The following FGGY variants were observed in gnomAD, a reference collection of about 807,000 sequenced individuals.
FGGY encodes FGGY carbohydrate kinase domain-containing protein.
A neutral mutation model predicts 71.3 loss-of-function variants in FGGY; 72 were observed. The observed-to-expected ratio is 1.01, with a 90% CI of 0.84 to 1.23. FGGY has a LOEUF of 1.23. Among genes scored for constraint, FGGY ranks in the 50% most tolerant of loss-of-function variants. The pLI is 0.00. For synonymous variants in FGGY, 251 were observed against 250.3 expected (o/e 1.00, Z -0.02); for missense variants, 668 against 682.3 (o/e 0.98, Z 0.23).
chr1:59,513,060 A>G lies in FGGY; in HGVS notation c.799+621A>G, dbSNP rs114019238. Among the ~76,000 whole-genome samples the G allele has an allele frequency of 8.4e-3, 1,285 of 152,356 alleles. 17 individuals carry two copies. Among genetic ancestry groups the G allele is most frequent in the African/African-American group, 0.029 (1,207 of 41,574 alleles). Reference sequence around the variant, plus strand: ...ACAGGGAAACAAAGAATTACAGTAAAGAATGATGACTTCCTCATCCTTATT... The same window carrying G: ...ACAGGGAAACAAAGAATTACAGTAAGGAATGATGACTTCCTCATCCTTATT... On this transcript the variant is annotated intron_variant, in intron 7 of 15. Coordinates refer to ENST00000303721, the MANE Select transcript of FGGY (RefSeq NM_018291.5).
At chr1:59,546,088 A>G (rs1402368335) in intron 7 of FGGY, among the ~76,000 whole-genome samples, 1 of 152,364 alleles carries the variant, frequency 6.6e-6, no homozygotes, top group Non-Finnish European at 1.5e-5. Context: ...AAGCCTTGCT[A>G]TTAACACCAA....
At chr1:59,535,804 A>G (rs923061516) in intron 7 of FGGY, among the ~76,000 whole-genome samples, 3 of 149,552 alleles carry the variant, frequency 2.0e-5, no homozygotes, top group African/African-American at 7.4e-5. Flanking sequence ...GACACAACAT[A>G]CCAGAATCTC....
At chr1:59,346,471 C>T (rs990082231) in intron 4 of FGGY, 73 bp downstream of exon 4, 1 of 1,521,666 alleles carries the variant, frequency 6.6e-7, no homozygotes, top group South Asian at 1.2e-5. Flanking sequence ...CTGTAGGTAC[C>T]AGGCACCCTG....
Position 59,313,770 on chromosome 1 carries a change from A to G in FGGY, c.-14-7766A>G, listed in dbSNP as rs1366418606. 3.9e-5 allele frequency among the ~76,000 whole-genome samples: 6 copies of G among 152,216 alleles called. No individual in the cohort carries two copies. The East Asian group carries it at 1.2e-3, about 29-fold the overall frequency. ...AGCTAAGCTATGAGGATGCAAAGGC[A>G]TAAGAATGACACAATGGACATTGGG... On this transcript the variant is annotated intron_variant, in intron 1 of 15. Coordinates refer to ENST00000303721, the MANE Select transcript of FGGY (RefSeq NM_018291.5).
chr1:59,735,490 C>T (rs893138192), intron 14 of FGGY, among the ~76,000 whole-genome samples: 17 of 152,218 alleles, frequency 1.1e-4, no homozygotes, highest in African/African-American at 3.9e-4. Context: ...AGACCTGTGG[C>T]ATTTTCACCA....
intron 7 of FGGY, among the ~76,000 whole-genome samples, chr1:59,518,934 C>G (rs540356042): frequency 8.5e-5 from 13 of 152,328 alleles, no homozygotes; most frequent in Admixed American, 8.5e-4. Flanking sequence ...CTTATAGCAA[C>G]TTTGTAGTGA....
chr1:59,334,358 G>C (rs967220765), intron 2 of FGGY, among the ~76,000 whole-genome samples: 2 of 152,104 alleles, frequency 1.3e-5, no homozygotes, highest in Non-Finnish European at 2.9e-5. Flanking sequence ...TGGCCAGGCT[G>C]GTCTCAAACT....
At chr1:59,747,674 C>T (rs1558980532) in intron 14 of FGGY, among the ~76,000 whole-genome samples, 1 of 152,202 alleles carries the variant, frequency 6.6e-6, no homozygotes, top group South Asian at 2.1e-4. Flanking sequence ...GGTCATACAG[C>T]TGGCAGTAAT....
chr1:59,613,177 C>A (rs1025824456), intron 9 of FGGY, among the ~76,000 whole-genome samples: 2 of 152,224 alleles, frequency 1.3e-5, no homozygotes, highest in African/African-American at 4.8e-5. Flanking sequence ...CTCTCCACCC[C>A]AAATCAACAG....
At chr1:59,348,411 C>G (rs1013354539) in intron 4 of FGGY, among the ~76,000 whole-genome samples, 2 of 152,146 alleles carry the variant, frequency 1.3e-5, no homozygotes, top group African/African-American at 4.8e-5. Context: ...GCAGGTGGCT[C>G]CCATTTCCAG....
chr1:59,417,513 G>A (rs1010908353), intron 5 of FGGY, among the ~76,000 whole-genome samples: 2 of 152,198 alleles, frequency 1.3e-5, no homozygotes, highest in African/African-American at 4.8e-5. Context: ...ACCCTTTGAG[G>A]AAATGTCAAA....
At chr1:59,669,284 T>C (rs1572923940) in intron 13 of FGGY, among the ~76,000 whole-genome samples, 1 of 152,150 alleles carries the variant, frequency 6.6e-6, no homozygotes, top group Admixed American at 6.5e-5. Context: ...CTTTGTACTG[T>C]ACTGCTGACC....
At chr1:59,733,522 G>T (rs1250030162) in intron 14 of FGGY, among the ~76,000 whole-genome samples, 1 of 151,970 alleles carries the variant, frequency 6.6e-6, no homozygotes. Flanking sequence ...GTAAATGCCA[G>T]ATCTTCTAAC....
At chr1:59,735,947 C>A (rs1230561930) in intron 14 of FGGY, among the ~76,000 whole-genome samples, 1 of 152,100 alleles carries the variant, frequency 6.6e-6, no homozygotes, top group Admixed American at 6.5e-5. Context: ...GGCTGTGTCC[C>A]CACCCAAATC....
At chr1:59,299,899 C>T (rs1412527889) in intron 1 of FGGY, among the ~76,000 whole-genome samples, 4 of 151,904 alleles carry the variant, frequency 2.6e-5, no homozygotes, top group East Asian at 1.9e-4. Context: ...AGCAGGTAAT[C>T]GGAATGAGTC....
chr1:59,677,311 C>A (rs1161716907), intron 14 of FGGY, among the ~76,000 whole-genome samples: 1 of 152,220 alleles, frequency 6.6e-6, no homozygotes, highest in Middle Eastern at 3.2e-3. Flanking sequence ...CTGCCTTCCC[C>A]TCCTTAAGAA....
chr1:59,380,016 A>G (rs1033627769), intron 5 of FGGY, among the ~76,000 whole-genome samples: 5 of 152,140 alleles, frequency 3.3e-5, no homozygotes, highest in African/African-American at 9.6e-5. Context: ...TCATTGTTCA[A>G]TTCCCACCTA....
At chr1:59,436,397 GC>G in intron 5 of FGGY, among the ~76,000 whole-genome samples, 2 of 151,976 alleles carry the variant, frequency 1.3e-5, no homozygotes, top group African/African-American at 4.8e-5. Context: ...CCCCTCAAGT[GC>G]CCCTCATTGC....
chr1:59,509,415 G>A (rs372780761), intron 6 of FGGY, among the ~76,000 whole-genome samples: 5 of 152,018 alleles, frequency 3.3e-5, no homozygotes, highest in East Asian at 1.9e-4. Context: ...AAGTTTAATC[G>A]CTTTCCTCCT....
Sources: allele counts gnomAD v4.1 joint callset (sites outside exome capture counted in the v4.1 genomes callset), GRCh38; gene constraint gnomAD v4.1.1; transcripts MANE v1.5; gene names NCBI Gene and HGNC (gene_info 2026-07-23, HGNC 2026-07-21).